Variants in TBC1D5 observed in about 807,000 individuals in gnomAD.
TBC1D5 encodes TBC1 domain family member 5, also known as TBC1 domain family, member 5.
Under a neutral mutation model 100.3 loss-of-function variants are expected in TBC1D5, and 75 were observed. That is an observed-to-expected ratio of 0.75 (90% CI 0.62 to 0.91). The LOEUF (loss-of-function observed/expected upper bound fraction) is 0.91, where lower values mean the gene tolerates loss of function less well. TBC1D5 is among the 40% of genes least tolerant of loss of function. The probability of loss-of-function intolerance (pLI) is 0.00; values close to 1 mark genes in which losing one functional copy is unlikely to be tolerated. For missense variants in TBC1D5, 910 were observed against 942.4 expected, an observed-to-expected ratio of 0.97 and a Z score of 0.45; for synonymous variants, 323 against 325.6, an observed-to-expected ratio of 0.99 and a Z score of 0.09.
chr3:17,457,535 T>C (rs992115046), intron 3 of TBC1D5, among the ~76,000 whole-genome samples: 16 of 152,240 alleles, frequency 1.1e-4, no homozygotes, highest in Non-Finnish European at 2.2e-4. Flanking sequence ...AATTTTTGTA[T>C]CTCTGCTGAA....
At chr3:17,599,418 G>T (rs2060787706) in intron 2 of TBC1D5, among the ~76,000 whole-genome samples, 1 of 152,092 alleles carries the variant, frequency 6.6e-6, no homozygotes, top group African/African-American at 2.4e-5. Context: ...GTTTGGCTGG[G>T]GGCGGTTGAA....
chr3:17,405,042 C>T, intron 5 of TBC1D5, 81 bp from the exon 6 acceptor site: 1 of 710,652 alleles, frequency 1.4e-6, no homozygotes, highest in Non-Finnish European at 2.3e-6. Flanking sequence ...ACCACCTGAA[C>T]ATTGAAAGAC....
chr3:17,370,249 C>T (rs890513665), intron 13 of TBC1D5, among the ~76,000 whole-genome samples: 1 of 152,158 alleles, frequency 6.6e-6, no homozygotes, highest in Non-Finnish European at 1.5e-5. Context: ...AATTATAAAG[C>T]ATTTCAAAGA....
intron 2 of TBC1D5, among the ~76,000 whole-genome samples, chr3:17,581,205 G>A (rs1015513553): frequency 1.3e-5 from 2 of 152,082 alleles, no homozygotes; most frequent in Non-Finnish European, 2.9e-5. Context: ...TTTGCCTTCC[G>A]CCATGATTGT....
intron 2 of TBC1D5, among the ~76,000 whole-genome samples, chr3:17,544,867 T>A (rs763087794): frequency 6.6e-6 from 1 of 152,156 alleles, no homozygotes; most frequent in African/African-American, 2.4e-5. Context: ...TATGTTTAGA[T>A]ACAGTAAACT....
intron 15 of TBC1D5, among the ~76,000 whole-genome samples, chr3:17,291,273 G>A (rs2081709634): frequency 1.3e-5 from 2 of 152,128 alleles, no homozygotes; most frequent in Non-Finnish European, 2.9e-5. Flanking sequence ...TTATTTTCAA[G>A]AAATATAACA....
At chr3:17,187,220 CT>C (rs1272508096) in intron 18 of TBC1D5, among the ~76,000 whole-genome samples, 3 of 152,170 alleles carry the variant, frequency 2.0e-5, no homozygotes, top group Non-Finnish European at 4.4e-5. Flanking sequence ...TGTATTCCCC[CT>C]GTCCTTGAAT....
chr3:17,634,513 A>T (rs1447118047), intron 1 of TBC1D5, among the ~76,000 whole-genome samples: 1 of 152,028 alleles, frequency 6.6e-6, no homozygotes, highest in East Asian at 1.9e-4. Flanking sequence ...TATTTGTGGG[A>T]TCTAAAAACC....
At chr3:17,508,582 G>C in exon 3 of TBC1D5, 3 of 1,602,538 alleles carry the variant, frequency 1.9e-6, no homozygotes, top group Non-Finnish European at 2.6e-6. Context: ...GTGGGAACTG[G>C]ACAGCGTCAC....
chr3:17,510,596 C>G (rs910378859), intron 2 of TBC1D5, among the ~76,000 whole-genome samples: 1 of 151,764 alleles, frequency 6.6e-6, no homozygotes, highest in Non-Finnish European at 1.5e-5. Context: ...TAGAGGACAG[C>G]GAAATGTAGA....
At chr3:17,171,225 C>T (rs184570182) in intron 19 of TBC1D5, among the ~76,000 whole-genome samples, 5 of 152,062 alleles carry the variant, frequency 3.3e-5, no homozygotes, top group East Asian at 1.9e-4. Context: ...ACCTAGAGCA[C>T]GCCATGGAGC....
intron 8 of TBC1D5, among the ~76,000 whole-genome samples, chr3:17,401,375 ATATGT>A (rs2093646599): frequency 7.3e-5 from 3 of 41,074 alleles, no homozygotes; most frequent in African/African-American, 4.8e-4. Flanking sequence ...TATAATATAC[ATATGT>A]ATATGTATAT....
intron 2 of TBC1D5, among the ~76,000 whole-genome samples, chr3:17,583,473 C>A (rs2153540861): frequency 6.6e-6 from 1 of 152,050 alleles, no homozygotes; most frequent in East Asian, 1.9e-4. Flanking sequence ...TGCCTGTAAT[C>A]CTAACACTTT....
chr3:17,574,941 G>A (rs181806059), intron 2 of TBC1D5, among the ~76,000 whole-genome samples: 1 of 152,184 alleles, frequency 6.6e-6, no homozygotes, highest in African/African-American at 2.4e-5. Context: ...CCCAGAAAGA[G>A]CCTTAAACAT....
At chr3:17,382,446 T>A (rs1181548022) in intron 9 of TBC1D5, among the ~76,000 whole-genome samples, 3 of 152,208 alleles carry the variant, frequency 2.0e-5, no homozygotes, top group East Asian at 3.9e-4. Context: ...ACTCAGGTTA[T>A]CACTGGAATG....
intron 13 of TBC1D5, among the ~76,000 whole-genome samples, chr3:17,359,699 T>C (rs1225680620): frequency 6.6e-6 from 1 of 152,000 alleles, no homozygotes; most frequent in African/African-American, 2.4e-5. Flanking sequence ...TAATCACTAG[T>C]ATAAGTGATA....
chr3:17,557,989 T>C (rs2096533225), intron 2 of TBC1D5, among the ~76,000 whole-genome samples: 1 of 152,138 alleles, frequency 6.6e-6, no homozygotes, highest in Non-Finnish European at 1.5e-5. Flanking sequence ...ACCTATCTCT[T>C]GTGGATTAGA....
intron 8 of TBC1D5, among the ~76,000 whole-genome samples, chr3:17,399,723 T>C (rs1187291901): frequency 6.6e-6 from 1 of 152,150 alleles, no homozygotes; most frequent in Non-Finnish European, 1.5e-5. Flanking sequence ...TCTACAAGAC[T>C]GTCCTGGCCT....
exon 22 of TBC1D5, chr3:17,161,058 G>A (rs770272351): frequency 5.0e-6 from 8 of 1,614,212 alleles, no homozygotes; most frequent in Non-Finnish European, 6.8e-6. Context: ...GCTGAGGCTG[G>A]GCCCATCAGT....
Sources: gnomAD v4.1 joint callset for allele counts (sites outside exome capture counted in the v4.1 genomes callset) on GRCh38, gnomAD v4.1.1 for gene constraint, MANE v1.5 for transcripts, NCBI Gene and HGNC (gene_info 2026-07-23, HGNC 2026-07-21) for gene names.